Variants in SLC26A1 observed in about 807,000 individuals in gnomAD.
The protein encoded by SLC26A1 is sulfate anion transporter 1.
Under a neutral mutation model 14.5 loss-of-function variants are expected in SLC26A1, and 18 were observed. The ratio of observed to expected loss-of-function variants is 1.24; its 90% CI spans 0.86 to 1.84. The LOEUF is 1.84. Ranked by LOEUF, SLC26A1 falls within the 40% of genes most tolerant of loss-of-function variation. SLC26A1 has a pLI of 0.00. For missense variants in SLC26A1, 1,049 were observed against 1,020.0 expected, an observed-to-expected ratio of 1.03 and a Z score of -0.39; for synonymous variants, 505 against 492.0, an observed-to-expected ratio of 1.03 and a Z score of -0.35.
At position 988,533 on chromosome 4, in the gene SLC26A1, C is replaced by T. The variant is rs1713932967; in HGVS notation, c.*300G>A. 5 of 1,225,414 alleles carry T rather than the reference C, an allele frequency of 4.1e-6. No individual in the cohort carries two copies. The South Asian group carries it at 8.5e-5, about 21-fold the overall frequency. 75.9% of individuals were successfully genotyped at this position (1,225,414 alleles called of 1,614,324 possible). On this transcript the variant is annotated 3_prime_UTR_variant, in exon 3 of 3. Coordinates refer to ENST00000398516, the MANE Select transcript of SLC26A1 (RefSeq NM_022042.4). ...CCCTTGTTCAAATAAGATGTCAACC[C>T]TGAGCGTCAGGTCAGGCCCATCCCT...
chr4:982,538 C>G (rs1188921448), intron 2 of SLC26A1, among the ~76,000 whole-genome samples: 1 of 152,224 alleles, frequency 6.6e-6, no homozygotes, highest in Non-Finnish European at 1.5e-5. Context: ...TGCCCGGACG[C>G]CCCCAGTGAA....
chr4:989,565 C>A lies in SLC26A1; in HGVS notation c.1374G>T (p.Trp458Cys). Residue 458 changes from tryptophan (W) to cysteine (C), a missense_variant, in exon 3 of 3, where the codon TGG becomes TGT. By Grantham distance (215) the Trp-to-Cys change is radical (BLOSUM62 -2). Coordinates refer to ENST00000398516, the MANE Select transcript of SLC26A1 (RefSeq NM_022042.4). ...TCATCCGCCACAGCCGCGGGAGGTC[C>A]CACACCTTGCGCAGGGCCCCCCGCA... ...VSLRGALRKV[W>C]DLPRLWRMSP... 6.3e-7 allele frequency: 1 copy of A among 1,588,992 alleles called. No homozygotes were observed. The highest frequency in any genetic ancestry group is 8.6e-7 in the Non-Finnish European group (1 of 1,169,494).
chr4:988,634 T>G lies in SLC26A1; in HGVS notation c.*199A>C. The G allele has an allele frequency of 7.3e-7, 1 of 1,377,732 alleles. No individual in the cohort carries two copies. The highest frequency in any genetic ancestry group is 9.3e-7 in the Non-Finnish European group (1 of 1,071,176). The allele number at this position is 1,377,732 out of a possible 1,614,324, so 85.3% of individuals were successfully genotyped here. A position where few individuals can be genotyped will look rare whatever the true frequency, so the allele number is the denominator to read the frequency against. Reference sequence around the variant, plus strand: ...CTGTCTCGGAGGCAGAGGTTCTTGATTTCTGAGTGTTTGGGTCCTGCGTGT... The same window carrying G: ...CTGTCTCGGAGGCAGAGGTTCTTGAGTTCTGAGTGTTTGGGTCCTGCGTGT... On this transcript the variant is annotated 3_prime_UTR_variant, in exon 3 of 3. Coordinates refer to ENST00000398516, the MANE Select transcript of SLC26A1 (RefSeq NM_022042.4).
Position 988,719 on chromosome 4 carries a change from C to T in SLC26A1, c.*114G>A. On this transcript the variant is annotated 3_prime_UTR_variant, in exon 3 of 3. Coordinates refer to ENST00000398516, the MANE Select transcript of SLC26A1 (RefSeq NM_022042.4). Reference sequence around the variant, plus strand: ...CGGTTTCCCCAGGGCAGCTGTGGCACAAGAGTGCAGCTCTTGGGTGGCTCC... The same window carrying T: ...CGGTTTCCCCAGGGCAGCTGTGGCATAAGAGTGCAGCTCTTGGGTGGCTCC... 3 of 1,423,344 alleles carry T rather than the reference C, an allele frequency of 2.1e-6. No individual in the cohort carries two copies. The highest frequency in any genetic ancestry group is 2.7e-6 in the Non-Finnish European group (3 of 1,092,476). The allele number at this position is 1,423,344 out of a possible 1,614,324, so 88.2% of individuals were successfully genotyped here.
At position 991,191 on chromosome 4, in the gene SLC26A1, G is replaced by A. The variant is rs114936403; in HGVS notation, c.513C>T (p.Cys171=). The A allele has an allele frequency of 2.6e-3, 4,096 of 1,594,616 alleles. 91 individuals carry two copies. In the African/African-American group the frequency reaches 0.043, roughly 17 times the overall value. ...CACGGATGGCGTAGCAGTCACGCCC[G>A]CAGTCCAGCATGGCAGCCGAGCCGT... is the stretch of plus-strand genomic sequence containing the variant. ...TLNGSAAMLD[C]GRDCYAIRVA... is the part of the protein sequence containing the mutation. The change falls in exon 2 of 3, where the codon TGC becomes TGT. Residue 171 remains cysteine (C), a synonymous_variant. Coordinates refer to ENST00000398516, the MANE Select transcript of SLC26A1 (RefSeq NM_022042.4).
rs745684120 is a variant in SLC26A1, at chr4:989,146, G to C, written c.1793C>G (p.Thr598Ser). 1 of 1,607,712 alleles carries C rather than the reference G, an allele frequency of 6.2e-7. No homozygotes were observed. The highest frequency in any genetic ancestry group is 1.3e-5 in the African/African-American group (1 of 74,754). Residue 598 changes from threonine (T) to serine (S), a missense_variant, in exon 3 of 3, where the codon ACC becomes AGC. Physicochemically the swap from Thr to Ser is moderately conservative, Grantham distance 58 (BLOSUM62 1). Transcript: ENST00000398516. ...CGCTGCGGGCACCAGCGCAGCCCTG[G>C]TGCTAACCGGGCCCAGGTCCTCGCC... is the stretch of plus-strand genomic sequence containing the variant. ...AQGEDLGPVS[T>S]RAALVPAAAG... is the part of the protein sequence containing the mutation.
chr4:980,710 G>A (rs899464747), intron 2 of SLC26A1, among the ~76,000 whole-genome samples: 3 of 151,676 alleles, frequency 2.0e-5, no homozygotes, highest in Non-Finnish European at 4.4e-5. Context: ...TTTTGTTTAA[G>A]AAAAAAAGAA....
intron 1 of SLC26A1, chr4:991,967 C>A: frequency 1.3e-6 from 1 of 767,938 alleles, no homozygotes; most frequent in Non-Finnish European, 2.2e-6. Flanking sequence ...ACACCAAGCC[C>A]ATGCCATGGG....
chr4:990,370 C>A lies in SLC26A1; in HGVS notation c.577-8G>T, dbSNP rs1157770723. ...GAGGACGCCCATGAGGACCTGTGGA[C>A]GGAGTGCGGTCAGGCCAGCAGGCGC... On this transcript the variant is annotated splice_region_variant and splice_polypyrimidine_tract_variant and intron_variant, in intron 2 of 2. Transcript: ENST00000398516. 6.3e-7 allele frequency: 1 copy of A among 1,586,358 alleles called. No homozygotes were observed. Among genetic ancestry groups the A allele is most frequent in the Admixed American group, 1.8e-5 (1 of 56,078 alleles).
rs1714312173 is a variant in SLC26A1, at chr4:991,420, C to T, written c.284G>A (p.Gly95Glu). ...PQAIAYSLLA[G>E]LQPIYSLYTS... is the part of the protein sequence containing the mutation. Reference sequence around the variant, plus strand: ...ATAGAGGCTGTAGATGGGCTGCAGCCCGGCCAGCAATGAGTAGGCGATGGC... The same window carrying T: ...ATAGAGGCTGTAGATGGGCTGCAGCTCGGCCAGCAATGAGTAGGCGATGGC... Residue 95 changes from glycine (G) to glutamate (E), a missense_variant, in exon 2 of 3, where the codon GGG becomes GAG. Coordinates refer to ENST00000398516, the MANE Select transcript of SLC26A1 (RefSeq NM_022042.4). The T allele has an allele frequency of 6.2e-7, 1 of 1,612,706 alleles. No homozygotes were observed. The highest frequency in any genetic ancestry group is 8.5e-7 in the Non-Finnish European group (1 of 1,179,964).
rs550626988 is a variant in SLC26A1 at position 989,920 on chromosome 4, C to A, written c.1019G>T (p.Arg340Leu). The change falls in exon 3 of 3, where the codon CGT (arginine) becomes CTT (leucine). Residue 340 changes from arginine (R) to leucine (L), a missense_variant. Physicochemically the swap from Arg to Leu is moderately radical, Grantham distance 102. Transcript: ENST00000398516. ...PQVPEPRLMQ[R>L]VALDAVALAL... ...CAGGGCCACGGCATCCAAAGCCACA[C>A]GCTGCATCAGCCTGGGCTCTGGGAC... The A allele has an allele frequency of 3.2e-6, 5 of 1,559,996 alleles. No individual in the cohort carries two copies. Among genetic ancestry groups the A allele is most frequent in the Admixed American group, 1.9e-5 (1 of 52,186 alleles).
At chr4:980,107 C>G (rs1005554193) in intron 2 of SLC26A1, among the ~76,000 whole-genome samples, 1 of 152,176 alleles carries the variant, frequency 6.6e-6, no homozygotes, top group Non-Finnish European at 1.5e-5. Flanking sequence ...GAGATCAGGA[C>G]GGGATTGGAG....
Position 988,274 on chromosome 4 carries a change from G to A in SLC26A1, c.*559C>T. On this transcript the variant is annotated 3_prime_UTR_variant, in exon 3 of 3. Coordinates refer to ENST00000398516, the MANE Select transcript of SLC26A1 (RefSeq NM_022042.4). Reference sequence around the variant, plus strand: ...TAGGGCCACTGCACCTGAGGGCTGAGCTGAGGTCTCATCGGTCACAGCACC... The same window carrying A: ...TAGGGCCACTGCACCTGAGGGCTGAACTGAGGTCTCATCGGTCACAGCACC... 1.7e-6 allele frequency: 2 copies of A among 1,199,704 alleles called. No homozygotes were observed. The highest frequency in any genetic ancestry group is 2.1e-6 in the Non-Finnish European group (2 of 959,626). 74.3% of individuals were successfully genotyped at this position (1,199,704 alleles called of 1,614,324 possible).
downstream of SLC26A1, chr4:987,551 C>G (rs896120834): frequency 1.4e-5 from 17 of 1,202,310 alleles, no homozygotes; most frequent in Non-Finnish European, 1.1e-5. Context: ...TTCCTTCCAC[C>G]TAGAGCTGAG....
downstream of SLC26A1, chr4:987,285 A>T: frequency 6.7e-7 from 1 of 1,496,232 alleles, no homozygotes; most frequent in Non-Finnish European, 8.9e-7. Flanking sequence ...CCGCACGGGG[A>T]GAGCTCGGGC....
At position 990,026 on chromosome 4, in the gene SLC26A1, C is replaced by G; in HGVS notation, c.913G>C (p.Val305Leu). 1 of 1,591,640 alleles carries G rather than the reference C, an allele frequency of 6.3e-7. No individual in the cohort carries two copies. Among genetic ancestry groups the G allele is most frequent in the South Asian group, 1.1e-5 (1 of 87,882 alleles). The change falls in exon 3 of 3, where the codon GTG (valine) becomes CTG (leucine). Residue 305 changes from valine (V) to leucine (L), a missense_variant. By Grantham distance (32) the Val-to-Leu change is conservative. Transcript: ENST00000398516. ...TTGTGGAGCTGCCCGAAGTGCGACA[C>G]GAGTGTGGCCACCACGATGACCAGC... The part of the protein sequence containing the change: ...ELLVIVVATL[V>L]SHFGQLHKRF...
At chr4:984,141 G>A (rs1383402102), downstream of SLC26A1, among the ~76,000 whole-genome samples, 1 of 152,138 alleles carries the variant, frequency 6.6e-6, no homozygotes, top group Non-Finnish European at 1.5e-5. Context: ...GATTTAATTT[G>A]CTGTTAAACC....
rs536887175 is a variant in SLC26A1 at position 992,381 on chromosome 4, G to A, written c.-27-651C>T. Among the ~76,000 whole-genome samples, 22 of 152,336 alleles carry A rather than the reference G, an allele frequency of 1.4e-4. No individual in the cohort carries two copies. The South Asian group carries it at 4.3e-3, about 30-fold the overall frequency. On this transcript the variant is annotated intron_variant, in intron 1 of 2. Coordinates refer to ENST00000398516, the MANE Select transcript of SLC26A1 (RefSeq NM_022042.4). ...GGGGCTGGCGGAAGTCTCAGGAAGA[G>A]GCCTCCTATGTCCCTGCCAAGCTTT...
Position 989,194 on chromosome 4 carries a change from A to G in SLC26A1, c.1745T>C (p.Val582Ala). The G allele has an allele frequency of 6.2e-7, 1 of 1,605,672 alleles. No homozygotes were observed. ...RRKEGGSETG[V>A]GEGGPAQGED... ...GCCCTGGGCAGGGCCTCCCTCACCG[A>G]CCCCCGTCTCTGAGCCCCCCTCCTT... The change falls in exon 3 of 3, where the codon GTC (valine) becomes GCC (alanine). Residue 582 changes from valine to alanine, a missense_variant. By Grantham distance (64) the Val-to-Ala change is moderately conservative. Transcript: ENST00000398516.
Sources: allele counts gnomAD v4.1 joint callset (sites outside exome capture counted in the v4.1 genomes callset), GRCh38; gene constraint gnomAD v4.1.1; transcripts MANE v1.5; gene names NCBI Gene and HGNC (gene_info 2026-07-23, HGNC 2026-07-21).